The following IL12RB2 variants were observed in gnomAD, a reference collection of about 807,000 sequenced individuals.
IL12RB2 encodes interleukin 12 receptor subunit beta 2.
Under a neutral mutation model 89.4 loss-of-function variants are expected in IL12RB2, and 82 were observed. The ratio of observed to expected loss-of-function variants is 0.92; its 90% CI spans 0.77 to 1.10. The LOEUF (loss-of-function observed/expected upper bound fraction) is 1.10, where lower values mean the gene tolerates loss of function less well. Ranked by LOEUF, IL12RB2 falls within the 50% of genes least tolerant of loss-of-function variation. The probability of loss-of-function intolerance (pLI) is 0.00; values close to 1 mark genes in which losing one functional copy is unlikely to be tolerated. For synonymous variants in IL12RB2, 368 were observed against 370.1 expected (o/e 0.99, Z 0.07); for missense variants, 963 against 1,031.9 (o/e 0.93, Z 0.92).
intron 2 of IL12RB2, among the ~76,000 whole-genome samples, chr1:67,316,748 T>C (rs1655828698): frequency 1.3e-5 from 2 of 152,188 alleles, no homozygotes; most frequent in Admixed American, 6.5e-5. Context: ...TGAGGAAAAG[T>C]GTTCCCACAA....
chr1:67,390,455 C>CTTTTTTTTTTTTTT (rs67532605), intron 16 of IL12RB2, among the ~76,000 whole-genome samples: 1 of 107,524 alleles, frequency 9.3e-6, no homozygotes, highest in Non-Finnish European at 1.8e-5. Flanking sequence ...GCAAACTTTC[C>CTTTTTTTTTTTTTT]TTTTTTTTTT....
chr1:67,373,143 C>A (rs1663555635), intron 13 of IL12RB2, among the ~76,000 whole-genome samples: 1 of 152,208 alleles, frequency 6.6e-6, no homozygotes, highest in Non-Finnish European at 1.5e-5. Flanking sequence ...GTGCCTCACT[C>A]TGTTGCCCAG....
At chr1:67,352,764 GT>G (rs1246588927) in intron 10 of IL12RB2, among the ~76,000 whole-genome samples, 7 of 152,316 alleles carry the variant, frequency 4.6e-5, no homozygotes, top group African/African-American at 9.6e-5. Context: ...ATATGAAAAT[GT>G]TTAGCCTAAC....
At chr1:67,373,266 G>A (rs1361711844) in intron 13 of IL12RB2, among the ~76,000 whole-genome samples, 1 of 152,146 alleles carries the variant, frequency 6.6e-6, no homozygotes, top group East Asian at 1.9e-4. Flanking sequence ...ATGCCACCAT[G>A]TCCAGCTAAT....
chr1:67,386,661 C>G lies in IL12RB2; in HGVS notation c.1938C>G (p.Phe646Leu), dbSNP rs200680330. The change falls in exon 15 of 17, where the codon TTC becomes TTG. Residue 646 changes from phenylalanine (F) to leucine (L), a missense_variant. Physicochemically the swap from Phe to Leu is conservative, Grantham distance 22 (BLOSUM62 0). Coordinates refer to ENST00000674203, the MANE Select transcript of IL12RB2 (RefSeq NM_001374259.2). ...IMVGIFSTHY[F>L]QQKVFVLLAA... ...TGGGCATTTTCTCAACGCATTACTT[C>G]CAGCAAAAGTGAGTTGGTTACACCT... is the stretch of plus-strand genomic sequence containing the variant. 5.0e-6 allele frequency: 8 copies of G among 1,606,148 alleles called. No individual in the cohort carries two copies. The highest frequency in any genetic ancestry group is 6.8e-6 in the Non-Finnish European group (8 of 1,172,930).
chr1:67,335,230 A>G (rs1658612905), intron 8 of IL12RB2, among the ~76,000 whole-genome samples: 1 of 152,186 alleles, frequency 6.6e-6, no homozygotes, highest in South Asian at 2.1e-4. Flanking sequence ...AGAAGGAGAA[A>G]TTAATGACAC....
intron 14 of IL12RB2, among the ~76,000 whole-genome samples, chr1:67,381,782 AAAAG>A (rs1553127757): frequency 2.3e-5 from 3 of 132,688 alleles, no homozygotes; most frequent in African/African-American, 7.9e-5. Context: ...AAAAAAAAAA[AAAAG>A]AAAGAAAGTT....
Position 67,367,996 on chromosome 1 carries a change from G to A in IL12RB2, c.1430G>A (p.Arg477Gln), listed in dbSNP as rs1406609549. Residue 477 changes from arginine (R) to glutamine (Q), a missense_variant, in exon 11 of 17, where the codon CGA becomes CAA. Physicochemically the swap from Arg to Gln is conservative, Grantham distance 43. Coordinates refer to ENST00000674203, the MANE Select transcript of IL12RB2 (RefSeq NM_001374259.2). ...TQVPLNWLRSRPYNVSALISE... is the reference protein window; with the variant it reads ...TQVPLNWLRSQPYNVSALISE... ...GTCCCTCTAAACTGGCTACGGAGTC[G>A]ACCCTACAATGTGTCTGCTCTGATT... 11 of 1,607,736 alleles carry A rather than the reference G, an allele frequency of 6.8e-6. No individual in the cohort carries two copies. Among genetic ancestry groups the A allele is most frequent in the Middle Eastern group, 1.6e-4 (1 of 6,072 alleles).
At chr1:67,315,614 T>G (rs1655661904) in intron 2 of IL12RB2, among the ~76,000 whole-genome samples, 1 of 152,162 alleles carries the variant, frequency 6.6e-6, no homozygotes, top group African/African-American at 2.4e-5. Context: ...AATACAAATT[T>G]ACTCAACAAA....
chr1:67,343,274 G>T (rs1474625100), intron 9 of IL12RB2, among the ~76,000 whole-genome samples: 2 of 152,148 alleles, frequency 1.3e-5, no homozygotes, highest in African/African-American at 4.8e-5. Flanking sequence ...CAGAGACAGG[G>T]TTTCACCATG....
intron 4 of IL12RB2, among the ~76,000 whole-genome samples, 176 bp downstream of exon 4, chr1:67,322,065 G>A (rs923331743): frequency 2.0e-5 from 3 of 151,420 alleles, no homozygotes; most frequent in African/African-American, 7.3e-5. Flanking sequence ...TCAGAAACTG[G>A]AATCTTATTT....
At chr1:67,363,421 G>T (rs954429334) in intron 10 of IL12RB2, among the ~76,000 whole-genome samples, 1 of 149,444 alleles carries the variant, frequency 6.7e-6, no homozygotes, top group East Asian at 2.0e-4. Context: ...TCTCCATGTT[G>T]GTCAGGCTGG....
At chr1:67,351,462 T>G (rs1660830977) in intron 10 of IL12RB2, among the ~76,000 whole-genome samples, 2 of 152,218 alleles carry the variant, frequency 1.3e-5, no homozygotes, top group South Asian at 2.1e-4. Flanking sequence ...AAATACGTGT[T>G]ATGTTTCAGA....
intron 13 of IL12RB2, among the ~76,000 whole-genome samples, chr1:67,373,300 G>A (rs1236927517): frequency 6.6e-6 from 1 of 152,182 alleles, no homozygotes; most frequent in South Asian, 2.1e-4. Flanking sequence ...TGTAAAGACA[G>A]AGTCTCCCTG....
intron 15 of IL12RB2, among the ~76,000 whole-genome samples, chr1:67,388,985 G>A (rs1440032055): frequency 6.6e-6 from 1 of 152,006 alleles, no homozygotes; most frequent in Non-Finnish European, 1.5e-5. Flanking sequence ...AGTCAACTAG[G>A]ATCACATGCA....
intron 14 of IL12RB2, among the ~76,000 whole-genome samples, chr1:67,382,825 C>T (rs1460301251): frequency 6.6e-6 from 1 of 151,928 alleles, no homozygotes; most frequent in Non-Finnish European, 1.5e-5. Flanking sequence ...CATGCCTCAG[C>T]CTCACAAGTA....
intron 5 of IL12RB2, 23 bp downstream of exon 5, chr1:67,326,872 G>A: frequency 3.6e-6 from 5 of 1,399,954 alleles, no homozygotes; most frequent in Non-Finnish European, 4.7e-6. Context: ...CTGTATTTTT[G>A]CAGCTGTTTT....
At chr1:67,347,284 T>C (rs1389177013) in intron 9 of IL12RB2, among the ~76,000 whole-genome samples, 2 of 152,214 alleles carry the variant, frequency 1.3e-5, no homozygotes, top group African/African-American at 2.4e-5. Context: ...CCCTCTTCTT[T>C]GATACAGGCT....
rs145260906 is a variant in IL12RB2, at chr1:67,371,025, G to A, written c.1460-1411G>A. Among the ~76,000 whole-genome samples, 438 of 152,308 alleles carry A rather than the reference G, an allele frequency of 2.9e-3. 3 individuals carry two copies. Among genetic ancestry groups the A allele is most frequent in the East Asian group, 0.014 (74 of 5,182 alleles). On this transcript the variant is annotated intron_variant, in intron 11 of 16. Transcript: ENST00000674203. ...TGGAACTCCCATGCCTCCATAAGGCGGTGGTTGGTTGGCCCCTTTCACGAC... is the reference window on the plus strand; with the variant it reads ...TGGAACTCCCATGCCTCCATAAGGCAGTGGTTGGTTGGCCCCTTTCACGAC...
Sources: gnomAD v4.1 joint callset for allele counts (sites outside exome capture counted in the v4.1 genomes callset) on GRCh38, gnomAD v4.1.1 for gene constraint, MANE v1.5 for transcripts, NCBI Gene and HGNC (gene_info 2026-07-23, HGNC 2026-07-21) for gene names.